TMEM132D: variants seen among roughly 807,000 people sequenced by gnomAD.
The protein encoded by TMEM132D is mature OL transmembrane protein.
A neutral mutation model predicts 62.3 loss-of-function variants in TMEM132D; 21 were observed. The ratio of observed to expected loss-of-function variants is 0.34; its 90% confidence interval spans 0.24 to 0.49. The LOEUF (loss-of-function observed/expected upper bound fraction) is 0.49. TMEM132D is among the 20% of genes least tolerant of loss of function. TMEM132D has a pLI of 0.99. For missense variants in TMEM132D, 1,346 were observed against 1,402.8 expected (o/e 0.96, Z 0.65); for synonymous variants, 621 against 575.6 (o/e 1.08, Z -1.13).
At chr12:129,841,933 G>GC (rs773245843) in intron 1 of TMEM132D, among the ~76,000 whole-genome samples, 1 of 137,078 alleles carries the variant, frequency 7.3e-6, no homozygotes, top group Non-Finnish European at 1.6e-5. Flanking sequence ...TGGTTTTCGT[G>GC]TTTTTTTTTT....
At chr12:129,127,498 C>A (rs112071008) in intron 5 of TMEM132D, among the ~76,000 whole-genome samples, 1 of 151,948 alleles carries the variant, frequency 6.6e-6, no homozygotes, top group East Asian at 1.9e-4. Context: ...CATATATGAA[C>A]GAAAGCAAAC....
intron 2 of TMEM132D, among the ~76,000 whole-genome samples, chr12:129,581,221 C>A (rs904413009): frequency 6.6e-6 from 1 of 152,218 alleles, no homozygotes; most frequent in African/African-American, 2.4e-5. Context: ...TTTCCTTCGG[C>A]CATGAGTGAA....
At position 129,903,160 on chromosome 12, in the gene TMEM132D, C is replaced by T. The variant is rs1049840570; in HGVS notation, c.79+101G>A. The T allele has an allele frequency of 2.9e-5, 36 of 1,252,340 alleles. No individual in the cohort carries two copies. Among genetic ancestry groups the T allele is most frequent in the Middle Eastern group, 1.9e-4 (1 of 5,322 alleles). 77.6% of individuals were successfully genotyped at this position (1,252,340 alleles called of 1,614,324 possible). A position where few individuals can be genotyped will look rare whatever the true frequency, so the allele number is the denominator to read the frequency against. ...ACACAAGCGCGCACACACACTTGCA[C>T]ACGAGCCCTCTCTCCCGGCCGCCCC... On this transcript the variant is annotated intron_variant, in intron 1 of 8. Transcript: ENST00000422113. This position sits in a 1 kb window ranked among gnomAD's most constrained non-coding sequence, Gnocchi z 6.2.
intron 3 of TMEM132D, among the ~76,000 whole-genome samples, chr12:129,516,760 A>G (rs541577982): frequency 6.6e-6 from 1 of 152,356 alleles, no homozygotes; most frequent in African/African-American, 2.4e-5. Flanking sequence ...AAATGACCAC[A>G]AATACAGAGG....
At chr12:129,377,897 T>C (rs1484329593) in intron 3 of TMEM132D, among the ~76,000 whole-genome samples, 1 of 152,254 alleles carries the variant, frequency 6.6e-6, no homozygotes, top group Non-Finnish European at 1.5e-5. Flanking sequence ...TTAAATATGG[T>C]AACCTAGTCA....
chr12:129,297,443 G>T (rs1292578586), intron 4 of TMEM132D, among the ~76,000 whole-genome samples: 3 of 152,152 alleles, frequency 2.0e-5, no homozygotes, highest in Non-Finnish European at 4.4e-5. Context: ...ACAAACTTGA[G>T]AATTTAAAAA....
At chr12:129,181,940 C>T (rs1878078372) in intron 5 of TMEM132D, among the ~76,000 whole-genome samples, 1 of 152,170 alleles carries the variant, frequency 6.6e-6, no homozygotes, top group African/African-American at 2.4e-5. Flanking sequence ...CTCACCACCA[C>T]CAGTGTGTCT....
chr12:129,757,345 T>C (rs1368983833), intron 1 of TMEM132D, among the ~76,000 whole-genome samples: 1 of 152,202 alleles, frequency 6.6e-6, no homozygotes, highest in Non-Finnish European at 1.5e-5. Context: ...CTTAATCTCA[T>C]GTATTTGCAG....
intron 1 of TMEM132D, among the ~76,000 whole-genome samples, chr12:129,829,073 A>T (rs1292039749): frequency 6.6e-6 from 1 of 152,022 alleles, no homozygotes; most frequent in Non-Finnish European, 1.5e-5. Flanking sequence ...ACTTCTTTTT[A>T]TGTGAGACAA....
At chr12:129,151,443 C>G (rs1467517872) in intron 5 of TMEM132D, among the ~76,000 whole-genome samples, 1 of 152,194 alleles carries the variant, frequency 6.6e-6, no homozygotes, top group Non-Finnish European at 1.5e-5. Flanking sequence ...GAGCGGCTGA[C>G]CCTCGGTGTC....
intron 3 of TMEM132D, among the ~76,000 whole-genome samples, chr12:129,434,038 G>A (rs760795664): frequency 1.3e-4 from 20 of 152,142 alleles, no homozygotes; most frequent in Non-Finnish European, 4.4e-5. Flanking sequence ...GGATACTTTC[G>A]CAGGGAAACA....
At chr12:129,190,636 G>A (rs150678525) in intron 5 of TMEM132D, among the ~76,000 whole-genome samples, 215 of 151,742 alleles carry the variant, frequency 1.4e-3, no homozygotes, top group African/African-American at 5.0e-3. Flanking sequence ...CACATGTGGG[G>A]GCCTCTGGCA....
intron 5 of TMEM132D, among the ~76,000 whole-genome samples, chr12:129,198,730 T>C (rs1878611894): frequency 6.6e-6 from 1 of 152,156 alleles, no homozygotes; most frequent in Non-Finnish European, 1.5e-5. Context: ...GTGTGGACAA[T>C]ATAGTTAACA....
chr12:129,111,105 G>A (rs1003739594), intron 5 of TMEM132D: 1 of 152,290 alleles, frequency 6.6e-6, no homozygotes, highest in African/African-American at 2.4e-5. Flanking sequence ...AGACCTTCAG[G>A]AATCTGTGCA....
chr12:129,414,705 A>G (rs1026318992), intron 3 of TMEM132D, among the ~76,000 whole-genome samples: 25 of 152,212 alleles, frequency 1.6e-4, no homozygotes, highest in African/African-American at 6.0e-4. Context: ...TTTACAATAC[A>G]TGACTATTAA....
At chr12:129,495,145 G>A (rs1006822848) in intron 3 of TMEM132D, among the ~76,000 whole-genome samples, 5 of 149,670 alleles carry the variant, frequency 3.3e-5, no homozygotes, top group African/African-American at 1.3e-4. Flanking sequence ...TTACAAAGGG[G>A]GCAGGAGTTT....
intron 3 of TMEM132D, among the ~76,000 whole-genome samples, chr12:129,458,102 C>G (rs946324903): frequency 6.6e-6 from 1 of 152,160 alleles, no homozygotes. Context: ...ACAAAGGAGA[C>G]AGCTCCTCTA....
intron 4 of TMEM132D, among the ~76,000 whole-genome samples, chr12:129,285,145 C>A (rs1166697473): frequency 6.6e-6 from 1 of 152,098 alleles, no homozygotes; most frequent in Non-Finnish European, 1.5e-5. Context: ...GGGGATGTGG[C>A]CCTTTGTGTA....
chr12:129,248,393 C>A (rs10847817), intron 4 of TMEM132D, among the ~76,000 whole-genome samples: 152,320 of 152,340 alleles, frequency 1, 76,150 homozygotes, highest in Middle Eastern at 1. Context: ...AGTAAAACAA[C>A]GGTAACACTA....
Sources: allele counts gnomAD v4.1 joint callset (sites outside exome capture counted in the v4.1 genomes callset), GRCh38; gene constraint gnomAD v4.1.1; non-coding constraint Gnocchi (gnomAD v3.1); transcripts MANE v1.5; gene names NCBI Gene and HGNC (gene_info 2026-07-23, HGNC 2026-07-21).